The following EML5 variants were observed in gnomAD, a reference collection of about 807,000 sequenced individuals.
The protein encoded by EML5 is echinoderm microtubule-associated protein-like 5.
EML5 carries 120 observed loss-of-function variants against 250.0 expected under a neutral mutation model. The ratio of observed to expected loss-of-function variants is 0.48; its 90% CI spans 0.41 to 0.56. EML5 has a LOEUF of 0.56. Ranked by LOEUF, EML5 falls within the 20% of genes least tolerant of loss-of-function variation. The pLI is 0.00. For synonymous variants in EML5, 771 were observed against 806.5 expected (o/e 0.96, Z 0.75); for missense variants, 2,006 against 2,437.6 (o/e 0.82, Z 3.73).
intron 27 of EML5, among the ~76,000 whole-genome samples, chr14:88,651,821 TCTC>T: frequency 6.6e-6 from 1 of 152,258 alleles, no homozygotes; most frequent in East Asian, 1.9e-4. Context: ...TTACCAGGTA[TCTC>T]CTCAGTTAAC....
In EML5 at chr14:88,792,428, T is replaced by C; in HGVS notation, c.76A>G (p.Asn26Asp). 6.5e-7 allele frequency: 1 copy of C among 1,548,368 alleles called. No homozygotes were observed. The highest frequency in any genetic ancestry group is 8.7e-7 in the Non-Finnish European group (1 of 1,147,712). Residue 26 changes from asparagine to aspartate, a missense_variant, in exon 1 of 44, where the codon AAC becomes GAC. By Grantham distance (23) the Asn-to-Asp change is conservative. Transcript: ENST00000554922. The surrounding 1 kb of genome is among the most constrained non-coding windows in gnomAD (Gnocchi z 6.9). ...VYGYRGHQCRNNLYYTAAKEI... is the reference protein window; with the variant it reads ...VYGYRGHQCRDNLYYTAAKEI... ...TTGGCCGCAGTGTAGTAGAGGTTGT[T>C]GCGGCACTGGTGGCCCCGGTAGCCG...
chr14:88,726,408 A>AAT, intron 8 of EML5, 133 bp downstream of exon 8: 1 of 537,514 alleles, frequency 1.9e-6, no homozygotes, highest in Middle Eastern at 3.5e-4. Flanking sequence ...TATATTAATA[A>AAT]GAAGGGGAAG....
At chr14:88,740,624 G>A in intron 4 of EML5, 52 bp from the exon 5 acceptor site, 1 of 1,448,306 alleles carries the variant, frequency 6.9e-7, no homozygotes, top group Admixed American at 2.2e-5. Context: ...ATAAAATAAA[G>A]TAAAACATTC....
Position 88,642,919 on chromosome 14 carries a change from A to G in EML5, c.4211T>C (p.Val1404Ala). 1.2e-6 allele frequency: 2 copies of G among 1,606,278 alleles called. No individual in the cohort carries two copies. Among genetic ancestry groups the G allele is most frequent in the Non-Finnish European group, 1.7e-6 (2 of 1,177,538 alleles). ...TGTAGCAACATTGTGCAGAATTCCA[A>G]CAGATGCAGTGTGATAAATTATATC... ...GDDIIYHTASVGILHNVATGS... is the reference protein window; with the variant it reads ...GDDIIYHTASAGILHNVATGS... Residue 1404 changes from valine (V) to alanine (A), a missense_variant, in exon 31 of 44, where the codon GTT becomes GCT. By Grantham distance (64) the Val-to-Ala change is moderately conservative. This residue lies in a region of EML5 where 1,375 missense variants were observed against 1,590.3 expected (regional missense o/e 0.86). Coordinates refer to ENST00000554922, the MANE Select transcript of EML5 (RefSeq NM_183387.3).
At chr14:88,682,574 G>A (rs2092737523) in intron 20 of EML5, among the ~76,000 whole-genome samples, 1 of 152,066 alleles carries the variant, frequency 6.6e-6, no homozygotes, top group African/African-American at 2.4e-5. Flanking sequence ...TCATCTGGTT[G>A]GAAACTCCGA....
chr14:88,618,694 A>C lies in EML5; in HGVS notation c.5494T>G (p.Phe1832Val). 6.2e-7 allele frequency: 1 copy of C among 1,612,570 alleles called. No individual in the cohort carries two copies. Among genetic ancestry groups the C allele is most frequent in the Non-Finnish European group, 8.5e-7 (1 of 1,179,314 alleles). ...GCAGAGAAGTCCATTTGAATGACAA[A>C]GCTTGGAATGTCTTTGCAGTAGCTG... ...RISYCKDIPS[F>V]VIQMDFSADS... The change falls in exon 40 of 44, where the codon TTT becomes GTT. Residue 1832 changes from phenylalanine (F) to valine (V), a missense_variant. Transcript: ENST00000554922.
intron 38 of EML5, 44 bp downstream of exon 38, chr14:88,621,069 T>G: frequency 6.4e-7 from 1 of 1,561,434 alleles, no homozygotes; most frequent in Middle Eastern, 1.7e-4. Flanking sequence ...CAACTTTTCT[T>G]TTTAGAAGTT....
intron 3 of EML5, among the ~76,000 whole-genome samples, chr14:88,745,435 T>G (rs1555370173): frequency 1.3e-5 from 2 of 152,066 alleles, no homozygotes; most frequent in Non-Finnish European, 2.9e-5. Flanking sequence ...AATATTTAAT[T>G]AAAAGCTGGC....
At chr14:88,664,755 T>C in intron 22 of EML5, 131 bp from the exon 23 acceptor site, 1 of 868,126 alleles carries the variant, frequency 1.2e-6, no homozygotes, top group Non-Finnish European at 1.7e-6. Flanking sequence ...ATAAAACAGA[T>C]GTGTTAAATA....
At chr14:88,663,150 A>C in intron 23 of EML5, 31 bp from the exon 24 acceptor site, 4 of 1,396,554 alleles carry the variant, frequency 2.9e-6, no homozygotes, top group Non-Finnish European at 3.9e-6. Context: ...ATATTTACAC[A>C]TATAAAATAC....
chr14:88,624,878 C>G, intron 36 of EML5, 92 bp downstream of exon 36: 1 of 1,429,218 alleles, frequency 7.0e-7, no homozygotes. Context: ...AGAGGACACT[C>G]TGTGTAGCCT....
In EML5 at chr14:88,612,622, C is replaced by T. The variant is rs1360595176; in HGVS notation, c.*3196G>A. On this transcript the variant is annotated 3_prime_UTR_variant, in exon 44 of 44. Coordinates refer to ENST00000554922, the MANE Select transcript of EML5 (RefSeq NM_183387.3). ...TGAAAAATAACATTCTCAGAATCCACAGAAAATATACTTAGTTACTACTGA... is the reference window on the plus strand; with the variant it reads ...TGAAAAATAACATTCTCAGAATCCATAGAAAATATACTTAGTTACTACTGA... 1 of 152,500 alleles carries T rather than the reference C, an allele frequency of 6.6e-6. No individual in the cohort carries two copies. The highest frequency in any genetic ancestry group is 2.4e-5 in the African/African-American group (1 of 41,390). The allele number at this position is 152,500 out of a possible 1,614,324, so 9.4% of individuals were successfully genotyped here. A position where few individuals can be genotyped will look rare whatever the true frequency, so the allele number is the denominator to read the frequency against.
At chr14:88,616,665 CTGA>C (rs1207582056) in intron 42 of EML5, 58 bp downstream of exon 42, 49 of 1,441,706 alleles carry the variant, frequency 3.4e-5, no homozygotes, top group Non-Finnish European at 4.3e-5. Flanking sequence ...GGGAAAAGTG[CTGA>C]TGATAAGACA....
intron 8 of EML5, 46 bp from the exon 9 acceptor site, chr14:88,715,241 A>G: frequency 6.6e-7 from 1 of 1,515,024 alleles, no homozygotes. Context: ...AAGTCACAAC[A>G]GAATTAATGC....
chr14:88,660,806 T>C (rs11848879), intron 25 of EML5, among the ~76,000 whole-genome samples: 2,746 of 151,798 alleles, frequency 0.018, 94 homozygotes, highest in African/African-American at 0.063. Context: ...AAATACCAAT[T>C]TTAAGCAGAA....
chr14:88,762,846 G>T (rs1377685168), intron 1 of EML5, among the ~76,000 whole-genome samples: 1 of 152,140 alleles, frequency 6.6e-6, no homozygotes, highest in African/African-American at 2.4e-5. Context: ...TAGAACTCAG[G>T]ATTAAGAAAT....
At chr14:88,775,264 T>G (rs1374486342) in intron 1 of EML5, among the ~76,000 whole-genome samples, 1 of 152,114 alleles carries the variant, frequency 6.6e-6, no homozygotes, top group African/African-American at 2.4e-5. Context: ...TCTTGTACCT[T>G]AGGTACCAGC....
intron 1 of EML5, among the ~76,000 whole-genome samples, chr14:88,759,329 C>T (rs1244061462): frequency 6.6e-6 from 1 of 152,016 alleles, no homozygotes; most frequent in Non-Finnish European, 1.5e-5. Context: ...CTTGTTTTCT[C>T]ACCTTCAAAA....
intron 1 of EML5, among the ~76,000 whole-genome samples, chr14:88,755,898 CTGAGG>C (rs2094152681): frequency 6.6e-6 from 1 of 152,048 alleles, no homozygotes; most frequent in African/African-American, 2.4e-5. Context: ...ACTTGAGGGG[CTGAGG>C]TGAGAAGATC....
Sources: allele counts gnomAD v4.1 joint callset (sites outside exome capture counted in the v4.1 genomes callset), GRCh38; gene constraint gnomAD v4.1.1; regional missense constraint gnomAD v4.1.1; non-coding constraint Gnocchi (gnomAD v3.1); transcripts MANE v1.5; gene names NCBI Gene and HGNC (gene_info 2026-07-23, HGNC 2026-07-21).